Variants in TRAPPC9 observed in about 807,000 individuals in gnomAD.
TRAPPC9 encodes IKK2 binding protein.
In TRAPPC9, 83 loss-of-function variants were observed where a neutral mutation model predicts 124.0. The ratio of observed to expected loss-of-function variants is 0.67; its 90% CI spans 0.56 to 0.80. TRAPPC9 has a LOEUF of 0.80. Ranked by LOEUF, TRAPPC9 falls within the 30% of genes least tolerant of loss-of-function variation. TRAPPC9 has a pLI of 0.00. For synonymous variants in TRAPPC9, 638 were observed against 617.5 expected (o/e 1.03, Z -0.49); for missense variants, 1,302 against 1,508.3 (o/e 0.86, Z 2.27).
At chr8:139,797,835 C>T (rs1405004286) in intron 21 of TRAPPC9, among the ~76,000 whole-genome samples, 3 of 152,210 alleles carry the variant, frequency 2.0e-5, no homozygotes, top group Admixed American at 6.5e-5. Flanking sequence ...TCTAGACACT[C>T]GATTTCAGTC....
intron 1 of TRAPPC9, among the ~76,000 whole-genome samples, chr8:140,452,342 C>A (rs1334222904): frequency 6.7e-6 from 1 of 150,042 alleles, no homozygotes; most frequent in Non-Finnish European, 1.5e-5. Context: ...ATGGCATGAA[C>A]CAGGGAGGCA....
At chr8:139,842,388 C>T (rs1826786239) in intron 21 of TRAPPC9, among the ~76,000 whole-genome samples, 4 of 152,172 alleles carry the variant, frequency 2.6e-5, no homozygotes, top group Admixed American at 2.6e-4. Context: ...AGCCAGGCCT[C>T]CGCACTCCAC....
Position 140,087,714 on chromosome 8 carries a change from C to T in TRAPPC9, c.2557-63635G>A, listed in dbSNP as rs369483537. On this transcript the variant is annotated intron_variant, in intron 17 of 22. Transcript: ENST00000438773. The surrounding 1 kb of genome is among the most constrained non-coding windows in gnomAD (Gnocchi z 4.6). ...CTGGACAATGCCACTGGCTCCCCAC[C>T]TCGTCTCCCCTGCCTCTACTCGTCC... Among the ~76,000 whole-genome samples, 10 of 152,300 alleles carry T rather than the reference C, an allele frequency of 6.6e-5. No homozygotes were observed. The East Asian group carries it at 1.5e-3, about 24-fold the overall frequency.
intron 17 of TRAPPC9, among the ~76,000 whole-genome samples, chr8:140,026,030 C>A (rs1840125179): frequency 6.6e-6 from 1 of 152,136 alleles, no homozygotes; most frequent in Admixed American, 6.5e-5. Context: ...TCGGCCCTGG[C>A]ACCCACCATG....
Position 140,329,836 on chromosome 8 carries a change from G to A in TRAPPC9, c.1496-18462C>T, listed in dbSNP as rs1312814920. On this transcript the variant is annotated intron_variant, in intron 9 of 22. Coordinates refer to ENST00000438773, the MANE Select transcript of TRAPPC9 (RefSeq NM_001160372.4). ...TGGCTCACACCTGTAATCATACTTT[G>A]GGAGGCCAAGGCGGGCAGATCACCT... is the stretch of plus-strand genomic sequence containing the variant. Among the ~76,000 whole-genome samples the A allele has an allele frequency of 2.0e-5, 3 of 152,096 alleles. No homozygotes were observed. The East Asian group carries it at 5.8e-4, about 29-fold the overall frequency.
At chr8:140,146,653 T>C (rs1012588720) in intron 17 of TRAPPC9, among the ~76,000 whole-genome samples, 6 of 152,204 alleles carry the variant, frequency 3.9e-5, no homozygotes, top group African/African-American at 1.4e-4. Flanking sequence ...AATTTTAAAT[T>C]TTCCTTTAAA....
chr8:140,108,626 G>T (rs1465930692), intron 17 of TRAPPC9, among the ~76,000 whole-genome samples: 4 of 152,204 alleles, frequency 2.6e-5, no homozygotes, highest in Non-Finnish European at 4.4e-5. Context: ...CTGTTTGAAG[G>T]GTGGTTGTCA....
chr8:139,800,620 A>T lies in TRAPPC9; in HGVS notation c.3056-68418T>A, dbSNP rs542412152. ...CACTGCCCCAGAAGGCAGGTTTTTC[A>T]TCTGTATGGAGACGGGACTCCAAGA... is the stretch of plus-strand genomic sequence containing the variant. On this transcript the variant is annotated intron_variant, in intron 21 of 22. Coordinates refer to ENST00000438773, the MANE Select transcript of TRAPPC9 (RefSeq NM_001160372.4). Among the ~76,000 whole-genome samples, 23 of 152,290 alleles carry T rather than the reference A, an allele frequency of 1.5e-4. No homozygotes were observed. The South Asian group carries it at 3.5e-3, about 23-fold the overall frequency.
At chr8:139,901,840 C>A (rs577757872) in intron 20 of TRAPPC9, among the ~76,000 whole-genome samples, 1 of 152,308 alleles carries the variant, frequency 6.6e-6, no homozygotes, top group Admixed American at 6.5e-5. Context: ...AGCGAGGTGA[C>A]CTCGCTGGGC....
At chr8:140,283,230 C>T (rs146802666) in intron 14 of TRAPPC9, among the ~76,000 whole-genome samples, 3,433 of 149,458 alleles carry the variant, frequency 0.023, 123 homozygotes, top group African/African-American at 0.08. Flanking sequence ...AGAGTGGGAC[C>T]TTGTCTCAAA....
At chr8:140,144,741 C>A (rs1015603847) in intron 17 of TRAPPC9, among the ~76,000 whole-genome samples, 1 of 152,052 alleles carries the variant, frequency 6.6e-6, no homozygotes, top group Non-Finnish European at 1.5e-5. Context: ...CCTGCTTCAG[C>A]CTCCCAAAGT....
chr8:140,044,520 T>C (rs1403534125), intron 17 of TRAPPC9, among the ~76,000 whole-genome samples: 4 of 152,184 alleles, frequency 2.6e-5, no homozygotes, highest in Non-Finnish European at 5.9e-5. Flanking sequence ...ACTGTAAAAA[T>C]TGGCATTATA....
chr8:139,766,574 G>C (rs573362448), intron 21 of TRAPPC9, among the ~76,000 whole-genome samples: 1 of 152,214 alleles, frequency 6.6e-6, no homozygotes, highest in Non-Finnish European at 1.5e-5. Flanking sequence ...TCAGACCTGT[G>C]TTCAGATCAG....
chr8:139,877,864 G>GTCAA (rs766117014), intron 21 of TRAPPC9, among the ~76,000 whole-genome samples: 2 of 152,326 alleles, frequency 1.3e-5, no homozygotes, highest in East Asian at 3.9e-4. Flanking sequence ...ATCAGCTGAA[G>GTCAA]TCAAGACTCA....
chr8:140,304,556 G>A (rs552867375), intron 10 of TRAPPC9, among the ~76,000 whole-genome samples: 2 of 152,262 alleles, frequency 1.3e-5, no homozygotes, highest in Middle Eastern at 6.8e-3. Flanking sequence ...TGGAGATGAG[G>A]AGCAAGGATT....
At chr8:139,830,865 TC>T (rs1284541301) in intron 21 of TRAPPC9, among the ~76,000 whole-genome samples, 1 of 152,122 alleles carries the variant, frequency 6.6e-6, no homozygotes, top group African/African-American at 2.4e-5. Context: ...GAACAGAGGG[TC>T]CCGCCCAGGA....
In TRAPPC9 at chr8:140,252,402, C is replaced by T. The variant is rs2131503705; in HGVS notation, c.2431+375G>A. Reference sequence around the variant, plus strand: ...TTTCCATTTCTTCCACACTCCACCTCCTTATAGATATCATCAGACTTTGAA... The same window carrying T: ...TTTCCATTTCTTCCACACTCCACCTTCTTATAGATATCATCAGACTTTGAA... On this transcript the variant is annotated intron_variant, in intron 16 of 22. Coordinates refer to ENST00000438773, the MANE Select transcript of TRAPPC9 (RefSeq NM_001160372.4). The surrounding 1 kb of genome is among the most constrained non-coding windows in gnomAD (Gnocchi z 4.2). 6.6e-6 allele frequency among the ~76,000 whole-genome samples: 1 copy of T among 152,302 alleles called. No individual in the cohort carries two copies.
chr8:139,764,202 G>A (rs969218186), intron 21 of TRAPPC9, among the ~76,000 whole-genome samples: 1 of 152,156 alleles, frequency 6.6e-6, no homozygotes, highest in Non-Finnish European at 1.5e-5. Flanking sequence ...CCTGGGGTGG[G>A]TGTGCTCGAG....
intron 7 of TRAPPC9, among the ~76,000 whole-genome samples, chr8:140,380,720 T>A (rs2068581073): frequency 7.1e-6 from 1 of 140,518 alleles, no homozygotes; most frequent in Non-Finnish European, 1.6e-5. Flanking sequence ...GAACAAAAAT[T>A]AACTCAAAAT....
Sources: allele counts gnomAD v4.1 joint callset (sites outside exome capture counted in the v4.1 genomes callset), GRCh38; gene constraint gnomAD v4.1.1; non-coding constraint Gnocchi (gnomAD v3.1); transcripts MANE v1.5; gene names NCBI Gene and HGNC (gene_info 2026-07-23, HGNC 2026-07-21).